ABCC4: variants seen among roughly 807,000 people sequenced by gnomAD.
ABCC4 encodes ATP-binding cassette sub-family C member 4.
Under a neutral mutation model 168.5 loss-of-function variants are expected in ABCC4, and 102 were observed. The observed-to-expected ratio is 0.61, with a 90% CI of 0.52 to 0.71. The LOEUF is 0.71. ABCC4 is among the 30% of genes least tolerant of loss of function. The pLI is 0.00. For synonymous variants in ABCC4, 617 were observed against 590.7 expected (o/e 1.04, Z -0.65); for missense variants, 1,402 against 1,605.8 (o/e 0.87, Z 2.17).
chr13:95,021,929 A>AT (rs2031109570), intron 30 of ABCC4, among the ~76,000 whole-genome samples: 1 of 152,166 alleles, frequency 6.6e-6, no homozygotes, highest in Admixed American at 6.5e-5. Flanking sequence ...TGATTCATAG[A>AT]TATGTTTTAT....
chr13:95,186,248 A>G (rs974498325), intron 11 of ABCC4, among the ~76,000 whole-genome samples: 1 of 137,586 alleles, frequency 7.3e-6, no homozygotes, highest in African/African-American at 2.7e-5. Flanking sequence ...ATACAATTAC[A>G]GATAAAATAC....
rs1594250381 is a variant in ABCC4 at position 95,182,669 on chromosome 13, G to GA, written c.1545+4031dup. On this transcript the variant is annotated intron_variant, in intron 11 of 30. Coordinates refer to ENST00000645237, the MANE Select transcript of ABCC4 (RefSeq NM_005845.5). ...TTATCCTCACAATAGCCTATGAGGT[G>GA]AATAGTTTATTATCTCTATTTTACA... is the stretch of plus-strand genomic sequence containing the variant. Among the ~76,000 whole-genome samples the GA allele has an allele frequency of 5.3e-5, 8 of 152,294 alleles. No individual in the cohort carries two copies. In the East Asian group the frequency reaches 1.5e-3, roughly 29 times the overall value.
At chr13:95,213,622 C>T (rs939307310) in intron 4 of ABCC4, among the ~76,000 whole-genome samples, 9 of 40,504 alleles carry the variant, frequency 2.2e-4, no homozygotes, top group African/African-American at 1.0e-3. Flanking sequence ...GGAAGGAAAT[C>T]TCCACTGGGC....
intron 4 of ABCC4, among the ~76,000 whole-genome samples, chr13:95,221,527 C>T (rs188027896): frequency 2.6e-5 from 4 of 152,142 alleles, no homozygotes; most frequent in African/African-American, 9.6e-5. Context: ...CCATGCCTGA[C>T]CGTTATGTAT....
At chr13:95,260,640 C>G (rs2040507215) in intron 1 of ABCC4, among the ~76,000 whole-genome samples, 1 of 152,144 alleles carries the variant, frequency 6.6e-6, no homozygotes, top group Non-Finnish European at 1.5e-5. Flanking sequence ...TGGAGCCACA[C>G]AGCCAAGACT....
intron 1 of ABCC4, among the ~76,000 whole-genome samples, chr13:95,251,572 A>G (rs1341650593): frequency 1.3e-5 from 2 of 152,228 alleles, no homozygotes; most frequent in Non-Finnish European, 2.9e-5. Context: ...TTAGAAATAA[A>G]CAATACTAAA....
chr13:95,193,632 C>T (rs1028446341), intron 9 of ABCC4, among the ~76,000 whole-genome samples: 5 of 152,230 alleles, frequency 3.3e-5, no homozygotes, highest in South Asian at 2.1e-4. Context: ...CAGAGGACCC[C>T]GGACTCAGGT....
At chr13:95,028,157 A>G (rs1447566658) in intron 30 of ABCC4, among the ~76,000 whole-genome samples, 1 of 152,220 alleles carries the variant, frequency 6.6e-6, no homozygotes, top group Non-Finnish European at 1.5e-5. Context: ...CAAAGTTACC[A>G]AAACAAAAAT....
rs114400105 is a variant in ABCC4, at chr13:95,048,575, T to G, written c.3457-4137A>C. ...GTGAACGAAGCGAGCGGAAGCCCAT[T>G]CTGGGCAATACAGGCCTGGGAAAAA... On this transcript the variant is annotated intron_variant, in intron 27 of 30. Coordinates refer to ENST00000645237, the MANE Select transcript of ABCC4 (RefSeq NM_005845.5). 8.3e-3 allele frequency among the ~76,000 whole-genome samples: 1,267 copies of G among 152,312 alleles called. 24 individuals carry two copies. Among genetic ancestry groups the G allele is most frequent in the African/African-American group, 0.029 (1,186 of 41,570 alleles).
chr13:95,255,834 G>A (rs566042108), intron 1 of ABCC4, among the ~76,000 whole-genome samples: 13 of 152,070 alleles, frequency 8.5e-5, no homozygotes, highest in African/African-American at 2.4e-4. Context: ...TTCCTACTAC[G>A]GAGCTTCAAA....
At chr13:95,063,311 T>G (rs1437442630) in intron 25 of ABCC4, among the ~76,000 whole-genome samples, 2 of 152,222 alleles carry the variant, frequency 1.3e-5, no homozygotes, top group African/African-American at 4.8e-5. Flanking sequence ...CTGAGTAATC[T>G]GAATTTCTGA....
At chr13:95,085,363 C>T (rs1222489105) in intron 20 of ABCC4, among the ~76,000 whole-genome samples, 1 of 152,122 alleles carries the variant, frequency 6.6e-6, no homozygotes, top group Non-Finnish European at 1.5e-5. Flanking sequence ...CTGCCTGAAC[C>T]TGGGAGCTGG....
intron 26 of ABCC4, among the ~76,000 whole-genome samples, chr13:95,061,575 T>C (rs543845234): frequency 2.0e-5 from 3 of 150,146 alleles, no homozygotes; most frequent in African/African-American, 7.3e-5. Flanking sequence ...TCTGTGTTTC[T>C]CTTCTCCAGA....
chr13:95,252,570 G>A (rs9590215), intron 1 of ABCC4, among the ~76,000 whole-genome samples: 31,959 of 152,122 alleles, frequency 0.21, 3,399 homozygotes, highest in Middle Eastern at 0.27. Context: ...AGCTATTTGG[G>A]AGGCTGAGGC....
rs1044052486 is a variant in ABCC4 at position 95,123,438 on chromosome 13, C to T, written c.2456-7437G>A. Among the ~76,000 whole-genome samples the T allele has an allele frequency of 6.6e-5, 10 of 152,298 alleles. No individual in the cohort carries two copies. In the South Asian group the frequency reaches 1.9e-3, roughly 28 times the overall value. The stretch of plus-strand genomic sequence containing the variant: ...AGCACACTAGCACGATCTCGGCTCA[C>T]CGCAACCTCCACTTCCCAGATCCAA... On this transcript the variant is annotated intron_variant, in intron 19 of 30. Transcript: ENST00000645237.
chr13:95,055,177 A>G (rs1274473741), intron 26 of ABCC4, among the ~76,000 whole-genome samples: 1 of 152,210 alleles, frequency 6.6e-6, no homozygotes, highest in Non-Finnish European at 1.5e-5. Flanking sequence ...CCATCTAAAC[A>G]ATGGTGGGAA....
intron 3 of ABCC4, among the ~76,000 whole-genome samples, chr13:95,238,195 G>GAAAAAAAA (rs10644641): frequency 1.2e-4 from 8 of 65,856 alleles, no homozygotes; most frequent in Admixed American, 1.8e-4. Flanking sequence ...CTCCATCTCA[G>GAAAAAAAA]AAAAAAAAAA....
chr13:95,275,457 T>C (rs1259929629), intron 1 of ABCC4, among the ~76,000 whole-genome samples: 1 of 152,234 alleles, frequency 6.6e-6, no homozygotes, highest in African/African-American at 2.4e-5. Flanking sequence ...AAAGCCCTTG[T>C]GGCTCTGCGC....
At chr13:95,105,281 G>T (rs2034963693) in intron 20 of ABCC4, among the ~76,000 whole-genome samples, 1 of 151,996 alleles carries the variant, frequency 6.6e-6, no homozygotes, top group Non-Finnish European at 1.5e-5. Context: ...GTGAGTGATG[G>T]GGAGCAAGCT....
Sources: allele counts gnomAD v4.1 joint callset (sites outside exome capture counted in the v4.1 genomes callset), GRCh38; gene constraint gnomAD v4.1.1; transcripts MANE v1.5; gene names NCBI Gene and HGNC (gene_info 2026-07-23, HGNC 2026-07-21).